Variants in DECR2 observed in about 807,000 individuals in gnomAD.
DECR2 encodes peroxisomal 2,4-dienoyl-CoA reductase [(3E)-enoyl-CoA-producing].
DECR2 carries 34 observed loss-of-function variants against 29.2 expected under a neutral mutation model. That is an observed-to-expected ratio of 1.16 (90% CI 0.89 to 1.55). The LOEUF is 1.55. Among genes scored for constraint, DECR2 ranks in the 40% most tolerant of loss-of-function variants. The probability of loss-of-function intolerance (pLI) is 0.00; values close to 1 mark genes in which losing one functional copy is unlikely to be tolerated. For synonymous variants in DECR2, 224 were observed against 182.7 expected (o/e 1.23, Z -1.82); for missense variants, 485 against 425.3 (o/e 1.14, Z -1.23).
intron 3 of DECR2, chr16:407,019 C>T (rs1036370966): frequency 2.9e-6 from 3 of 1,032,954 alleles, no homozygotes; most frequent in East Asian, 9.1e-5. Flanking sequence ...TGGGAGGGAC[C>T]TTCCTGTTTG....
chr16:407,188 G>A lies in DECR2; in HGVS notation c.202-237G>A, dbSNP rs2054735274. ...GGACATGGGTGACAGTGGCCTGGAG[G>A]GCGACGCAGAGGGAGGATTCTAGGA... On this transcript the variant is annotated intron_variant, in intron 3 of 8. Transcript: ENST00000219481. The A allele has an allele frequency of 3.7e-6, 5 of 1,345,866 alleles. No homozygotes were observed. In the East Asian group the frequency reaches 1.4e-4, roughly 38 times the overall value. The allele number at this position is 1,345,866 out of a possible 1,614,324, so 83.4% of individuals were successfully genotyped here.
rs774192464 is a variant in DECR2, at chr16:411,500, C to T, written c.801C>T (p.Ala267=). 19 of 1,614,026 alleles carry T rather than the reference C, an allele frequency of 1.2e-5. No individual in the cohort carries two copies. Among genetic ancestry groups the T allele is most frequent in the Admixed American group, 5.0e-5 (3 of 60,022 alleles). ...ASYVTGAVLV[A]DGGAWLTFPN... ...ACGTGACGGGGGCCGTGCTGGTGGC[C>T]GATGGCGGGGCATGGTTGACGTTCC... Residue 267 remains alanine, a synonymous_variant, in exon 8 of 9, where the codon GCC becomes GCT. Coordinates refer to ENST00000219481, the MANE Select transcript of DECR2 (RefSeq NM_020664.4).
intron 2 of DECR2, chr16:405,465 G>C: frequency 8.2e-7 from 1 of 1,216,792 alleles, no homozygotes; most frequent in Non-Finnish European, 1.1e-6. Context: ...AAAAAGGTGA[G>C]TCCCACAGGA....
In DECR2 at chr16:403,748, T is replaced by C. The variant is rs1483809560; in HGVS notation, c.81-1208T>C. On this transcript the variant is annotated intron_variant, in intron 1 of 8. Transcript: ENST00000219481. The stretch of plus-strand genomic sequence containing the variant: ...GAAAAATTAGCTGGGCACTCTGGCA[T>C]GCACCTGTAGTCCCAGCTACTGGGG... 2.0e-5 allele frequency among the ~76,000 whole-genome samples: 3 copies of C among 152,196 alleles called. No homozygotes were observed. The East Asian group carries it at 5.8e-4, about 29-fold the overall frequency.
In DECR2 at chr16:411,843, G is replaced by T. The variant is rs138649018; in HGVS notation, c.*1-47G>T. On this transcript the variant is annotated intron_variant, in intron 8 of 8. Transcript: ENST00000219481. The stretch of plus-strand genomic sequence containing the variant: ...TGGCCGAGGCAGCCGAGGTGTTTTA[G>T]GGGGAAGCCGTCCTCAGCCGGCTAC... The T allele has an allele frequency of 4.1e-3, 1,889 of 462,288 alleles. 68 individuals carry two copies. In the East Asian group the frequency reaches 0.06, roughly 15 times the overall value. The allele number at this position is 462,288 out of a possible 1,614,324, so 28.6% of individuals were successfully genotyped here. A position where few individuals can be genotyped will look rare whatever the true frequency, so the allele number is the denominator to read the frequency against.
intron 4 of DECR2, among the ~76,000 whole-genome samples, 191 bp downstream of exon 4, chr16:407,751 C>T (rs528231313): frequency 2.7e-5 from 4 of 147,660 alleles, no homozygotes; most frequent in Non-Finnish European, 3.0e-5. Flanking sequence ...GCCCCATCTC[C>T]GGCCCCCTGT....
rs747671489 is a variant in DECR2, at chr16:407,511, C to T, written c.288C>T (p.Ala96=). Residue 96 remains alanine (A), a synonymous_variant, in exon 4 of 9, where the codon GCC becomes GCT. Transcript: ENST00000219481. ...GAGCGCCCCCAGCTGTCATGGCCGC[C>T]GTGGACCAGGCTCTGAAGGAGTTTG... ...DVRAPPAVMA[A]VDQALKEFGR... The T allele has an allele frequency of 1.5e-5, 24 of 1,613,914 alleles. No individual in the cohort carries two copies. The highest frequency in any genetic ancestry group is 4.5e-5 in the East Asian group (2 of 44,892).
At position 410,841 on chromosome 16, in the gene DECR2, GCTTCCATC is replaced by G; in HGVS notation, c.556+59_556+66del. ...CACGTGGGTCCCCAATGGGCCGTCT[GCTTCCATC>G]CCAGGAGGCCAGCAGTCTCCACTTG... On this transcript the variant is annotated intron_variant, in intron 6 of 8. Coordinates refer to ENST00000219481, the MANE Select transcript of DECR2 (RefSeq NM_020664.4). This position sits in a 1 kb window ranked among gnomAD's most constrained non-coding sequence, Gnocchi z 4.1. 6.5e-7 allele frequency: 1 copy of G among 1,527,000 alleles called. No homozygotes were observed. Among genetic ancestry groups the G allele is most frequent in the Non-Finnish European group, 8.9e-7 (1 of 1,127,494 alleles). The allele number at this position is 1,527,000 out of a possible 1,614,324, so 94.6% of individuals were successfully genotyped here. A position where few individuals can be genotyped will look rare whatever the true frequency, so the allele number is the denominator to read the frequency against.
Position 410,579 on chromosome 16 carries a change from TG to T in DECR2, c.463-111del. ...CCGCTCCCTGCCCTGGGCCTCCCCC[TG>T]ACGGCCGCCCGCTCCCTGCCCCGGG... On this transcript the variant is annotated intron_variant, in intron 5 of 8. Coordinates refer to ENST00000219481, the MANE Select transcript of DECR2 (RefSeq NM_020664.4). This position sits in a 1 kb window ranked among gnomAD's most constrained non-coding sequence, Gnocchi z 4.1. 1 of 355,176 alleles carries T rather than the reference TG, an allele frequency of 2.8e-6. No individual in the cohort carries two copies. The highest frequency in any genetic ancestry group is 5.2e-5 in the South Asian group (1 of 19,182). 22.0% of individuals were successfully genotyped at this position (355,176 alleles called of 1,614,324 possible). A position where few individuals can be genotyped will look rare whatever the true frequency, so the allele number is the denominator to read the frequency against.
Position 410,644 on chromosome 16 carries a change from T to TC in DECR2, c.463-42dup. On this transcript the variant is annotated intron_variant, in intron 5 of 8. Transcript: ENST00000219481. The surrounding 1 kb of genome is among the most constrained non-coding windows in gnomAD (Gnocchi z 4.1). Reference sequence around the variant, plus strand: ...GCCACCCGCTCACTGTCCTGTGACCTCCCCCGACACCCGCCCGCTCACTGC... The same window carrying TC: ...GCCACCCGCTCACTGTCCTGTGACCTCCCCCCGACACCCGCCCGCTCACTGC... The TC allele has an allele frequency of 6.6e-7, 1 of 1,512,778 alleles. No homozygotes were observed. The allele number at this position is 1,512,778 out of a possible 1,614,324, so 93.7% of individuals were successfully genotyped here. A position where few individuals can be genotyped will look rare whatever the true frequency, so the allele number is the denominator to read the frequency against.
chr16:406,429 G>A lies in DECR2; in HGVS notation c.201+32G>A, dbSNP rs3826231. The A allele has an allele frequency of 0.097, 154,834 of 1,602,552 alleles. 8,383 individuals carry two copies. Among genetic ancestry groups the A allele is most frequent in the East Asian group, 0.24 (10,648 of 44,850 alleles). ...GGGCCTCTCCCATGGTCCCCTGTTC[G>A]GGTGGCTGTGGGGGGGCTGGGGCTG... On this transcript the variant is annotated intron_variant, in intron 3 of 8. Coordinates refer to ENST00000219481, the MANE Select transcript of DECR2 (RefSeq NM_020664.4).
Position 402,008 on chromosome 16 carries a change from C to G in DECR2, c.45C>G (p.Pro15=), listed in dbSNP as rs1216943012. 2 of 1,488,826 alleles carry G rather than the reference C, an allele frequency of 1.3e-6. No individual in the cohort carries two copies. The highest frequency in any genetic ancestry group is 1.8e-6 in the Non-Finnish European group (2 of 1,126,908). 92.2% of individuals were successfully genotyped at this position (1,488,826 alleles called of 1,614,324 possible). A position where few individuals can be genotyped will look rare whatever the true frequency, so the allele number is the denominator to read the frequency against. ...PPDVEGDDCL[P]AYRHLFCPDL... ...ACGTGGAGGGGGACGACTGTCTCCC[C>G]GCGTACCGCCACCTCTTCTGCCCGG... is the stretch of plus-strand genomic sequence containing the variant. The change falls in exon 1 of 9, where the codon CCC becomes CCG. Residue 15 remains proline (P), a synonymous_variant. Coordinates refer to ENST00000219481, the MANE Select transcript of DECR2 (RefSeq NM_020664.4).
intron 3 of DECR2, chr16:407,139 C>A: frequency 1.6e-6 from 2 of 1,231,906 alleles, no homozygotes; most frequent in Non-Finnish European, 1.0e-6. Flanking sequence ...TCACCTGTGC[C>A]ACCTCTGGTC....
rs955337412 is a variant in DECR2, at chr16:410,735, C to G, written c.507C>G (p.Asn169Lys). 1.2e-6 allele frequency: 2 copies of G among 1,608,312 alleles called. No individual in the cohort carries two copies. Among genetic ancestry groups the G allele is most frequent in the Non-Finnish European group, 8.5e-7 (1 of 1,178,962 alleles). The change falls in exon 6 of 9, where the codon AAC (asparagine) becomes AAG (lysine). Residue 169 changes from asparagine to lysine, a missense_variant. Coordinates refer to ENST00000219481, the MANE Select transcript of DECR2 (RefSeq NM_020664.4). The surrounding 1 kb of genome is among the most constrained non-coding windows in gnomAD (Gnocchi z 4.1). ...VIVNITATLG[N>K]RGQALQVHAG... The stretch of plus-strand genomic sequence containing the variant: ...TGAACATCACTGCCACCCTGGGGAA[C>G]CGGGGGCAGGCGCTCCAGGTGCATG...
At chr16:404,810 A>T in intron 1 of DECR2, 146 bp from the exon 2 acceptor site, 1 of 708,892 alleles carries the variant, frequency 1.4e-6, no homozygotes, top group South Asian at 1.8e-5. Context: ...TTGTATTTTT[A>T]GTAGAGACGA....
At position 410,793 on chromosome 16, in the gene DECR2, A is replaced by ACCCCCCCCC. The variant is rs35431910; in HGVS notation, c.556+10_556+18dup. The ACCCCCCCCC allele has an allele frequency of 7.1e-7, 1 of 1,414,018 alleles. No homozygotes were observed. Among genetic ancestry groups the ACCCCCCCCC allele is most frequent in the Non-Finnish European group, 9.6e-7 (1 of 1,046,224 alleles). The allele number at this position is 1,414,018 out of a possible 1,614,324, so 87.6% of individuals were successfully genotyped here. The stretch of plus-strand genomic sequence containing the variant: ...CGCCAAGGCCGCTGTGGGTATGACC[A>ACCCCCCCCC]CCCCCCCCCGCCCAGGTTTGCCCAC... On this transcript the variant is annotated intron_variant, in intron 6 of 8. Transcript: ENST00000219481. The surrounding 1 kb of genome is among the most constrained non-coding windows in gnomAD (Gnocchi z 4.1).
At chr16:405,744 C>G (rs1597198974) in intron 2 of DECR2, 1 of 515,244 alleles carries the variant, frequency 1.9e-6, no homozygotes, top group East Asian at 6.9e-5. Flanking sequence ...CTGTTACCCC[C>G]AGGCCCAGGG....
chr16:404,911 G>T (rs998151347), intron 1 of DECR2, 45 bp from the exon 2 acceptor site: 3 of 1,608,522 alleles, frequency 1.9e-6, no homozygotes, highest in Admixed American at 1.7e-5. Context: ...CCACCGGCCC[G>T]GCCCAATAGG....
intron 2 of DECR2, 94 bp from the exon 3 acceptor site, chr16:406,252 C>A: frequency 7.3e-7 from 1 of 1,373,942 alleles, no homozygotes; most frequent in Non-Finnish European, 1.0e-6. Context: ...TGGACTGGTA[C>A]TTCCGCCTGA....
Sources: gnomAD v4.1 joint callset for allele counts (sites outside exome capture counted in the v4.1 genomes callset) on GRCh38, gnomAD v4.1.1 for gene constraint, Gnocchi (gnomAD v3.1) non-coding constraint, MANE v1.5 for transcripts, NCBI Gene and HGNC (gene_info 2026-07-23, HGNC 2026-07-21) for gene names.